SLC4A4: variants seen among roughly 807,000 people sequenced by gnomAD.
The protein encoded by SLC4A4 is electrogenic sodium bicarbonate cotransporter 1.
In SLC4A4, 27 loss-of-function variants were observed where a neutral mutation model predicts 111.5. The observed-to-expected ratio is 0.24, with a 90% CI of 0.18 to 0.33. The LOEUF (loss-of-function observed/expected upper bound fraction) is 0.33, where lower values mean the gene tolerates loss of function less well. Ranked by LOEUF, SLC4A4 falls within the 10% of genes least tolerant of loss-of-function variation. SLC4A4 has a pLI of 1.00. For missense variants in SLC4A4, 909 were observed against 1,315.5 expected (o/e 0.69, Z 4.78); for synonymous variants, 443 against 463.4 (o/e 0.96, Z 0.57).
intron 2 of SLC4A4, among the ~76,000 whole-genome samples, chr4:71,180,676 C>T (rs1164717517): frequency 1.3e-5 from 2 of 152,126 alleles, no homozygotes; most frequent in African/African-American, 4.8e-5. Context: ...GTTAGAATGG[C>T]AATCATTAAA....
intron 7 of SLC4A4, among the ~76,000 whole-genome samples, chr4:71,428,543 G>T (rs137971325): frequency 6.6e-6 from 1 of 152,132 alleles, no homozygotes; most frequent in East Asian, 1.9e-4. Flanking sequence ...ATTGGGTGAC[G>T]TTGAATGATT....
At chr4:71,073,609 C>A (rs577789904) in intron 1 of SLC4A4, among the ~76,000 whole-genome samples, 6 of 152,116 alleles carry the variant, frequency 3.9e-5, no homozygotes, top group Non-Finnish European at 8.8e-5. Context: ...CACCACTTCA[C>A]AAACTATATT....
intron 3 of SLC4A4, among the ~76,000 whole-genome samples, chr4:71,331,821 G>T (rs966935164): frequency 2.0e-5 from 3 of 151,100 alleles, no homozygotes; most frequent in Admixed American, 6.6e-5. Flanking sequence ...GCTTTTCTAT[G>T]CTAGGAGACC....
At chr4:71,160,513 T>A (rs1290033832) in intron 2 of SLC4A4, among the ~76,000 whole-genome samples, 1 of 151,914 alleles carries the variant, frequency 6.6e-6, no homozygotes, top group Non-Finnish European at 1.5e-5. Context: ...CACTCACAGA[T>A]TCAGGAACCA....
At chr4:71,391,346 G>A (rs1316352516) in intron 6 of SLC4A4, among the ~76,000 whole-genome samples, 1 of 151,996 alleles carries the variant, frequency 6.6e-6, no homozygotes, top group Non-Finnish European at 1.5e-5. Flanking sequence ...TCATTATGGA[G>A]GTATGAGGTG....
chr4:71,180,131 G>A (rs1346657550), intron 2 of SLC4A4, among the ~76,000 whole-genome samples: 6 of 152,196 alleles, frequency 3.9e-5, no homozygotes, highest in Admixed American at 6.5e-5. Flanking sequence ...ATGGTGCTGG[G>A]AAAACTGGCT....
intron 3 of SLC4A4, among the ~76,000 whole-genome samples, chr4:71,278,381 A>C (rs572164412): frequency 6.6e-6 from 1 of 152,300 alleles, no homozygotes; most frequent in East Asian, 1.9e-4. Context: ...GATATTGTGA[A>C]TAATGCTGTG....
At position 71,192,672 on chromosome 4, in the gene SLC4A4, C is replaced by G. The variant is rs548822085; in HGVS notation, c.-2+5271C>G. ...TTTCTCAGCTCTTCCTTATTTTCCC[C>G]TCCCCTCTTCCTTCTGTTAAGTTTT... On this transcript the variant is annotated intron_variant, in intron 1 of 25. Coordinates refer to ENST00000264485, the MANE Select transcript of SLC4A4 (RefSeq NM_001098484.3). 3.9e-3 allele frequency among the ~76,000 whole-genome samples: 599 copies of G among 152,216 alleles called. 3 individuals are homozygous for G. The highest frequency in any genetic ancestry group is 6.8e-3 in the Non-Finnish European group (462 of 68,008).
chr4:71,486,984 C>T lies in SLC4A4; in HGVS notation c.1940C>T (p.Pro647Leu). The change falls in exon 15 of 26, where the codon CCA (proline) becomes CTA (leucine). Residue 647 changes from proline to leucine, a missense_variant. By Grantham distance (98) the Pro-to-Leu change is moderately conservative. Transcript: ENST00000264485. ...ATATCTAATGACACCACACTGGCCC[C>T]AGAGTATTTGCCAACTATGTCTTCT... is the stretch of plus-strand genomic sequence containing the variant. The part of the protein sequence containing the change: ...ISISNDTTLA[P>L]EYLPTMSSTD... The T allele has an allele frequency of 6.2e-7, 1 of 1,603,116 alleles. No homozygotes were observed. Among genetic ancestry groups the T allele is most frequent in the South Asian group, 1.1e-5 (1 of 90,760 alleles).
At chr4:71,462,020 T>G (rs1321181553) in intron 12 of SLC4A4, among the ~76,000 whole-genome samples, 3 of 152,210 alleles carry the variant, frequency 2.0e-5, no homozygotes, top group Non-Finnish European at 4.4e-5. Context: ...TTTTACCTGT[T>G]TCTTCTGAAG....
chr4:71,454,917 G>A (rs1379028129), intron 12 of SLC4A4, among the ~76,000 whole-genome samples: 1 of 152,094 alleles, frequency 6.6e-6, no homozygotes. Context: ...TCACGCAGCA[G>A]CTTCTTTACT....
intron 2 of SLC4A4, among the ~76,000 whole-genome samples, chr4:71,249,343 T>TA (rs1237160167): frequency 1.3e-5 from 2 of 152,132 alleles, no homozygotes; most frequent in Non-Finnish European, 2.9e-5. Context: ...ATTTTTTATG[T>TA]AAAAAAATTG....
intron 3 of SLC4A4, among the ~76,000 whole-genome samples, chr4:71,259,342 A>G (rs1721682147): frequency 6.6e-6 from 1 of 152,018 alleles, no homozygotes; most frequent in Non-Finnish European, 1.5e-5. Flanking sequence ...TCTGAGGAGG[A>G]AGCGAGCTAG....
At chr4:71,230,322 G>A (rs1169358366) in intron 1 of SLC4A4, among the ~76,000 whole-genome samples, 1 of 152,198 alleles carries the variant, frequency 6.6e-6, no homozygotes, top group Non-Finnish European at 1.5e-5. Flanking sequence ...CAGTCCTCAA[G>A]TAAAGGCCCT....
At chr4:71,385,187 A>ATTTT (rs1560461079) in intron 6 of SLC4A4, among the ~76,000 whole-genome samples, 1 of 16,676 alleles carries the variant, frequency 6.0e-5, no homozygotes, top group Non-Finnish European at 2.3e-4. Context: ...ATATATATAT[A>ATTTT]TATATTTTTT....
chr4:71,230,892 A>G (rs1719378599), intron 1 of SLC4A4, among the ~76,000 whole-genome samples: 1 of 152,182 alleles, frequency 6.6e-6, no homozygotes, highest in South Asian at 2.1e-4. Flanking sequence ...CTTTCATCCT[A>G]CAGTTTACAA....
chr4:71,136,122 G>A (rs1743837037), intron 2 of SLC4A4, among the ~76,000 whole-genome samples: 1 of 152,178 alleles, frequency 6.6e-6, no homozygotes, highest in Non-Finnish European at 1.5e-5. Context: ...CCCTTTGTGA[G>A]CACAGGCTCA....
intron 18 of SLC4A4, among the ~76,000 whole-genome samples, chr4:71,544,418 A>G (rs972938030): frequency 2.0e-5 from 3 of 151,906 alleles, no homozygotes; most frequent in African/African-American, 7.2e-5. Flanking sequence ...GTGGCACAGG[A>G]TCCAAGCATG....
At chr4:71,376,119 G>GTA (rs750415294) in intron 6 of SLC4A4, among the ~76,000 whole-genome samples, 71 of 141,882 alleles carry the variant, frequency 5.0e-4, no homozygotes, top group Admixed American at 7.9e-4. Flanking sequence ...ATACGTTTGT[G>GTA]TATATATATA....
Sources: allele counts gnomAD v4.1 joint callset (sites outside exome capture counted in the v4.1 genomes callset), GRCh38; gene constraint gnomAD v4.1.1; transcripts MANE v1.5; gene names NCBI Gene and HGNC (gene_info 2026-07-23, HGNC 2026-07-21).